The following NBPF11 variants were observed in gnomAD, a reference collection of about 807,000 sequenced individuals.
The protein encoded by NBPF11 is NBPF member 11.
In NBPF11, 72 loss-of-function variants were observed where a neutral mutation model predicts 93.9. The ratio of observed to expected loss-of-function variants is 0.77; its 90% CI spans 0.63 to 0.93. NBPF11 has a LOEUF of 0.93. Among genes scored for constraint, NBPF11 ranks in the 40% least tolerant of loss-of-function variants. NBPF11 has a pLI of 0.00. For synonymous variants in NBPF11, 224 were observed against 304.9 expected, an observed-to-expected ratio of 0.73 and a Z score of 2.76; for missense variants, 705 against 802.2, an observed-to-expected ratio of 0.88 and a Z score of 1.46.
At chr1:148,124,117 C>T in intron 6 of NBPF11, 50 bp from the exon 7 acceptor site, 1 of 1,606,004 alleles carries the variant, frequency 6.2e-7, no homozygotes, top group Non-Finnish European at 8.5e-7. Context: ...ATTGAGTGAT[C>T]CGTTCAAATA....
chr1:148,125,581 G>A (rs1668923870), intron 5 of NBPF11, among the ~76,000 whole-genome samples: 2 of 151,988 alleles, frequency 1.3e-5, no homozygotes, highest in African/African-American at 4.8e-5. Context: ...TAGTATGAGA[G>A]GCAGCATTAA....
intron 4 of NBPF11, among the ~76,000 whole-genome samples, chr1:148,129,249 G>A (rs1466408816): frequency 3.4e-5 from 5 of 145,664 alleles, no homozygotes; most frequent in South Asian, 4.3e-4. Context: ...ATATACATAC[G>A]TGTATATATA....
At chr1:148,104,219 G>T (rs1355739456) in intron 23 of NBPF11, among the ~76,000 whole-genome samples, 2 of 144,604 alleles carry the variant, frequency 1.4e-5, no homozygotes, top group Non-Finnish European at 3.0e-5. Context: ...CTGACTTAGT[G>T]CCCTCATGAC....
chr1:148,146,267 C>T (rs1486689031), intron 1 of NBPF11: 5 of 1,235,848 alleles, frequency 4.0e-6, no homozygotes, highest in Admixed American at 8.0e-5. Context: ...CTGTCTGGGG[C>T]GGTAGCTGGG....
chr1:148,109,543 T>C, intron 16 of NBPF11: 1 of 634,374 alleles, frequency 1.6e-6, no homozygotes, highest in Admixed American at 2.4e-5. Flanking sequence ...AATTCCCCTG[T>C]GTTGGAATGT....
At chr1:148,141,174 C>T (rs1188321379) in intron 2 of NBPF11, among the ~76,000 whole-genome samples, 1 of 151,820 alleles carries the variant, frequency 6.6e-6, no homozygotes. Flanking sequence ...TGGTGAAGCA[C>T]AGGGAATTTT....
chr1:148,122,004 A>G, intron 9 of NBPF11, 51 bp downstream of exon 9: 1 of 1,025,808 alleles, frequency 9.7e-7, no homozygotes. Flanking sequence ...CTCAGAATTG[A>G]TCTTCCATAG....
chr1:148,122,843 A>G (rs1489666736), intron 7 of NBPF11, 42 bp from the exon 8 acceptor site: 13 of 1,608,868 alleles, frequency 8.1e-6, no homozygotes, highest in Non-Finnish European at 1.1e-5. Context: ...CCCACTTCAC[A>G]TTCTGCAAGC....
chr1:148,122,259 G>A lies in NBPF11; in HGVS notation c.574C>T (p.Gln192Ter), dbSNP rs1668044677. Residue 192 changes from glutamine (Q) to a stop codon, truncating the protein, a stop_gained, in exon 9 of 24, where the codon CAG becomes TAG. Transcript: ENST00000682118. LOFTEE classifies it high-confidence loss of function. ...GGGACTTTGCTCTCTTCAGCCTTCT[G>A]CACCTCCCTGATGAGCCAGGTGGGA... is the stretch of plus-strand genomic sequence containing the variant. ...VLESSAPREV[Q>*]KAEESKVPED... 4 of 1,610,568 alleles carry A rather than the reference G, an allele frequency of 2.5e-6. No individual in the cohort carries two copies. Among genetic ancestry groups the A allele is most frequent in the Non-Finnish European group, 1.7e-6 (2 of 1,178,678 alleles).
At chr1:148,146,309 G>A (rs1164093679) in intron 1 of NBPF11, 17 of 1,363,616 alleles carry the variant, frequency 1.2e-5, no homozygotes, top group Non-Finnish European at 1.4e-5. Flanking sequence ...GCGACTCGGA[G>A]CACCCCACCC....
intron 1 of NBPF11, chr1:148,146,982 G>T (rs1168802029): frequency 1.4e-6 from 2 of 1,468,430 alleles, no homozygotes; most frequent in Admixed American, 2.1e-5. Flanking sequence ...CAGGCGGGGG[G>T]CCGGGGGGCG....
rs1666390162 is a variant in NBPF11 at position 148,115,828 on chromosome 1, TGA to T, written c.1548_1549del (p.His517CysfsTer2). ...GTGTACAGCATCCTCCCATTCAACATGAGAGGATGAGCCAATGAGAGTTGAGT... is the reference window on the plus strand; with the variant it reads ...GTGTACAGCATCCTCCCATTCAACATGAGGATGAGCCAATGAGAGTTGAGT... On this transcript the variant is annotated frameshift_variant, in exon 14 of 24. Coordinates refer to ENST00000682118, the MANE Select transcript of NBPF11 (RefSeq NM_001385469.3). LOFTEE classifies it high-confidence loss of function. The T allele has an allele frequency of 6.3e-7, 1 of 1,585,376 alleles. No homozygotes were observed. Among genetic ancestry groups the T allele is most frequent in the African/African-American group, 1.4e-5 (1 of 69,518 alleles).
chr1:148,105,728 AC>A, intron 21 of NBPF11, among the ~76,000 whole-genome samples, 200 bp from the exon 22 acceptor site: 1 of 97,878 alleles, frequency 1.0e-5, no homozygotes, highest in Non-Finnish European at 1.8e-5. Flanking sequence ...ACAGACACAC[AC>A]ACACACACAC....
chr1:148,127,999 G>C (rs1253125488), intron 4 of NBPF11, among the ~76,000 whole-genome samples: 1 of 150,792 alleles, frequency 6.6e-6, no homozygotes, highest in Admixed American at 6.6e-5. Flanking sequence ...TAATTTGTTT[G>C]ATTGTGTTTT....
intron 8 of NBPF11, among the ~76,000 whole-genome samples, 183 bp from the exon 9 acceptor site, chr1:148,122,449 A>G (rs1341199015): frequency 1.3e-5 from 2 of 152,092 alleles, no homozygotes; most frequent in African/African-American, 2.4e-5. Context: ...CTGCCATGGG[A>G]GCCAGAGAGG....
At chr1:148,136,766 C>T (rs1201830201) in intron 3 of NBPF11, among the ~76,000 whole-genome samples, 2 of 151,834 alleles carry the variant, frequency 1.3e-5, no homozygotes, top group Non-Finnish European at 2.9e-5. Context: ...ACATTAGGGA[C>T]AGATAAGCTG....
chr1:148,132,214 TACAC>T (rs781886385), intron 4 of NBPF11, among the ~76,000 whole-genome samples: 78 of 76,016 alleles, frequency 1.0e-3, no homozygotes, highest in Admixed American at 5.2e-3. Context: ...TATATATATA[TACAC>T]ACACACACAC....
At position 148,152,082 on chromosome 1, in the gene NBPF11, G is replaced by T. The variant is rs1648526614; in HGVS notation, c.-881C>A. ...ACCGCACAGCGGGTTCGGGCCGCGGGCCGAGAAAAGGAGTAATGGAGGACA... is the reference window on the plus strand; with the variant it reads ...ACCGCACAGCGGGTTCGGGCCGCGGTCCGAGAAAAGGAGTAATGGAGGACA... On this transcript the variant is annotated 5_prime_UTR_variant, in exon 1 of 24. Coordinates refer to ENST00000682118, the MANE Select transcript of NBPF11 (RefSeq NM_001385469.3). The T allele has an allele frequency of 6.6e-6, 1 of 152,208 alleles. No individual in the cohort carries two copies. Among genetic ancestry groups the T allele is most frequent in the Admixed American group, 6.5e-5 (1 of 15,282 alleles). 9.4% of individuals were successfully genotyped at this position (152,208 alleles called of 1,614,324 possible). A position where few individuals can be genotyped will look rare whatever the true frequency, so the allele number is the denominator to read the frequency against.
intron 14 of NBPF11, among the ~76,000 whole-genome samples, chr1:148,114,811 G>A (rs1468807997): frequency 3.3e-5 from 5 of 149,582 alleles, no homozygotes; most frequent in African/African-American, 7.5e-5. Flanking sequence ...GCTGCAATAC[G>A]GACTTATATC....
Sources: allele counts gnomAD v4.1 joint callset (sites outside exome capture counted in the v4.1 genomes callset), GRCh38; gene constraint gnomAD v4.1.1; transcripts MANE v1.5; gene names NCBI Gene and HGNC (gene_info 2026-07-23, HGNC 2026-07-21).